NBAS: variants seen among roughly 807,000 people sequenced by gnomAD.
NBAS encodes NBAS subunit of NRZ tethering complex.
In NBAS, 219 loss-of-function variants were observed where a neutral mutation model predicts 302.5. The observed-to-expected ratio is 0.72, with a 90% CI of 0.65 to 0.81. The LOEUF is 0.81. NBAS is among the 30% of genes least tolerant of loss of function. The pLI is 0.00. For synonymous variants in NBAS, 1,118 were observed against 1,021.6 expected (o/e 1.09, Z -1.80); for missense variants, 2,932 against 2,841.6 (o/e 1.03, Z -0.72).
the NBAS span, among the ~76,000 whole-genome samples, chr2:14,878,424 C>A: frequency 6.6e-6 from 1 of 152,116 alleles, no homozygotes; most frequent in Non-Finnish European, 1.5e-5. Flanking sequence ...AATGGCCAGT[C>A]TTGCATGTGA....
At chr2:14,891,898 T>C in the NBAS span, among the ~76,000 whole-genome samples, 468 of 152,354 alleles carry the variant, frequency 3.1e-3, 3 homozygotes, top group African/African-American at 0.011. Context: ...TGTGGTGTTA[T>C]AGGAAAAGCA....
At chr2:15,296,544 C>CAA (rs34796342) in intron 40 of NBAS, among the ~76,000 whole-genome samples, 14 of 148,666 alleles carry the variant, frequency 9.4e-5, no homozygotes, top group Non-Finnish European at 3.0e-5. Flanking sequence ...CAAAACAAAA[C>CAA]AAAAAAAAAA....
chr2:15,485,080 A>T (rs1337981692), intron 12 of NBAS, among the ~76,000 whole-genome samples: 1 of 152,078 alleles, frequency 6.6e-6, no homozygotes, highest in African/African-American at 2.4e-5. Flanking sequence ...CCACTACATC[A>T]TGAGTACTCT....
intron 44 of NBAS, among the ~76,000 whole-genome samples, chr2:15,256,366 T>C (rs932322287): frequency 6.6e-6 from 1 of 152,122 alleles, no homozygotes; most frequent in Non-Finnish European, 1.5e-5. Context: ...GGCTTGGTCA[T>C]TGTTGTTGCA....
rs542450846 is a variant in NBAS, at chr2:15,416,965, A to T, written c.2763+562T>A. ...ATTCAACCTAAGCTGCCAACAAGCA[A>T]AAGACTAGAAAGAGCGTTGGCAGCT... On this transcript the variant is annotated intron_variant, in intron 24 of 51. Transcript: ENST00000281513. Among the ~76,000 whole-genome samples, 5 of 152,270 alleles carry T rather than the reference A, an allele frequency of 3.3e-5. No individual in the cohort carries two copies. In the South Asian group the frequency reaches 1.0e-3, roughly 32 times the overall value.
the NBAS span, among the ~76,000 whole-genome samples, chr2:14,957,695 TC>T: frequency 6.6e-6 from 1 of 152,162 alleles, no homozygotes; most frequent in Admixed American, 6.5e-5. Flanking sequence ...TCTTCCTTGC[TC>T]CTTGGCTCCA....
At chr2:15,434,445 G>A (rs559153590) in intron 21 of NBAS, among the ~76,000 whole-genome samples, 1 of 152,222 alleles carries the variant, frequency 6.6e-6, no homozygotes, top group African/African-American at 2.4e-5. Flanking sequence ...AAGTCACCAG[G>A]AAAGAAAGGA....
At chr2:15,382,092 A>T (rs574564970) in intron 29 of NBAS, among the ~76,000 whole-genome samples, 1 of 98,594 alleles carries the variant, frequency 1.0e-5, no homozygotes, top group South Asian at 3.0e-4. Context: ...CATTTTTTCC[A>T]CACAAACGGA....
At chr2:15,555,968 C>G (rs1664625947) in intron 3 of NBAS, among the ~76,000 whole-genome samples, 1 of 152,128 alleles carries the variant, frequency 6.6e-6, no homozygotes, top group Admixed American at 6.5e-5. Flanking sequence ...ACCTCCCACA[C>G]TCCTATCCTC....
the NBAS span, among the ~76,000 whole-genome samples, chr2:15,144,453 AT>A: frequency 1.3e-5 from 2 of 152,148 alleles, no homozygotes; most frequent in Admixed American, 1.3e-4. Flanking sequence ...ATTACTATTG[AT>A]TCAGATACAA....
the NBAS span, chr2:14,890,481 T>C: frequency 1.3e-5 from 2 of 152,192 alleles, no homozygotes; most frequent in African/African-American, 2.4e-5. Context: ...GTATTATCTA[T>C]AAGAATTTGA....
chr2:15,356,503 T>A, intron 32 of NBAS, 87 bp from the exon 33 acceptor site: 3 of 944,842 alleles, frequency 3.2e-6, no homozygotes, highest in African/African-American at 1.6e-5. Flanking sequence ...TCAAATTACT[T>A]AAAAAATAAA....
At chr2:15,075,527 T>C in the NBAS span, among the ~76,000 whole-genome samples, 1 of 152,208 alleles carries the variant, frequency 6.6e-6, no homozygotes, top group Non-Finnish European at 1.5e-5. Context: ...ACATTCTCCT[T>C]ATCATTCCAG....
At chr2:14,899,854 A>G in the NBAS span, among the ~76,000 whole-genome samples, 1 of 152,062 alleles carries the variant, frequency 6.6e-6, no homozygotes, top group Non-Finnish European at 1.5e-5. Flanking sequence ...AAACACATCT[A>G]CAAGTTTGTG....
At chr2:15,354,799 A>C (rs1158045223) in intron 33 of NBAS, among the ~76,000 whole-genome samples, 1 of 152,198 alleles carries the variant, frequency 6.6e-6, no homozygotes, top group African/African-American at 2.4e-5. Flanking sequence ...TTTAGCAAAA[A>C]TCCTACTAAG....
chr2:15,282,415 A>C (rs1468064571), intron 42 of NBAS, among the ~76,000 whole-genome samples: 1 of 152,216 alleles, frequency 6.6e-6, no homozygotes, highest in African/African-American at 2.4e-5. Context: ...AAGGTAAGGC[A>C]GATGCAATAT....
intron 21 of NBAS, among the ~76,000 whole-genome samples, chr2:15,445,445 A>C (rs1379251252): frequency 4.0e-4 from 58 of 146,022 alleles, no homozygotes; most frequent in Non-Finnish European, 7.2e-4. Context: ...CATAGGTGGG[A>C]ATTGAACAAT....
the NBAS span, among the ~76,000 whole-genome samples, chr2:14,798,445 T>C: frequency 1.3e-5 from 2 of 152,202 alleles, no homozygotes; most frequent in Non-Finnish European, 2.9e-5. Flanking sequence ...GTTCATGATG[T>C]AATTTTTAAA....
At chr2:15,094,383 T>C in the NBAS span, among the ~76,000 whole-genome samples, 3 of 152,226 alleles carry the variant, frequency 2.0e-5, no homozygotes, top group African/African-American at 7.2e-5. Flanking sequence ...ATAATAGTGT[T>C]TGTTATGGAA....
Sources: gnomAD v4.1 joint callset for allele counts (sites outside exome capture counted in the v4.1 genomes callset) on GRCh38, gnomAD v4.1.1 for gene constraint, MANE v1.5 for transcripts, NCBI Gene and HGNC (gene_info 2026-07-23, HGNC 2026-07-21) for gene names.